The following RIN3 variants were observed in gnomAD, a reference collection of about 807,000 sequenced individuals.
The protein encoded by RIN3 is Ras and Rab interactor 3.
Under a neutral mutation model 76.3 loss-of-function variants are expected in RIN3, and 54 were observed. That is an observed-to-expected ratio of 0.71 (90% CI 0.57 to 0.89). The LOEUF (loss-of-function observed/expected upper bound fraction) is 0.89, where lower values mean the gene tolerates loss of function less well. Among genes scored for constraint, RIN3 ranks in the 40% least tolerant of loss-of-function variants. RIN3 has a pLI of 0.00. For missense variants in RIN3, 1,256 were observed against 1,322.1 expected (o/e 0.95, Z 0.78); for synonymous variants, 576 against 564.0 (o/e 1.02, Z -0.30).
chr14:92,529,410 G>A (rs191765497), intron 1 of RIN3, among the ~76,000 whole-genome samples: 24 of 151,828 alleles, frequency 1.6e-4, no homozygotes, highest in African/African-American at 3.9e-4. Flanking sequence ...CACCACGCCC[G>A]GCTAATTTTT....
At chr14:92,649,297 C>A (rs1431571083) in intron 5 of RIN3, among the ~76,000 whole-genome samples, 1 of 152,176 alleles carries the variant, frequency 6.6e-6, no homozygotes, top group Non-Finnish European at 1.5e-5. Context: ...CACCGGGGGT[C>A]TCAGCTCACA....
At chr14:92,597,066 T>C (rs1262909760) in intron 3 of RIN3, among the ~76,000 whole-genome samples, 1 of 152,178 alleles carries the variant, frequency 6.6e-6, no homozygotes, top group East Asian at 1.9e-4. Context: ...AAAATGCGGA[T>C]GGTAATACCC....
At chr14:92,543,260 G>A (rs1897167305) in intron 1 of RIN3, among the ~76,000 whole-genome samples, 3 of 152,100 alleles carry the variant, frequency 2.0e-5, no homozygotes, top group Non-Finnish European at 4.4e-5. Flanking sequence ...GCTTTATGGG[G>A]GGTGGGGGGA....
intron 1 of RIN3, among the ~76,000 whole-genome samples, chr14:92,527,797 A>C (rs745978603): frequency 6.6e-6 from 1 of 151,992 alleles, no homozygotes; most frequent in Non-Finnish European, 1.5e-5. Flanking sequence ...CATGCATTTG[A>C]GGTCTGCCTG....
chr14:92,687,937 C>T lies in RIN3; in HGVS notation c.2643C>T (p.Cys881=). The change falls in exon 10 of 10, where the codon TGC becomes TGT. Residue 881 remains cysteine (C), a synonymous_variant. Transcript: ENST00000216487. ...ASRSSVQDFI[C]VSYLEPEQQA... ...TCGCGTCTCCGCAGGACTTCATCTG[C>T]GTGTCGTACCTGGAGCCCGAGCAGC... The T allele has an allele frequency of 6.5e-7, 1 of 1,546,754 alleles. No individual in the cohort carries two copies. The highest frequency in any genetic ancestry group is 8.7e-7 in the Non-Finnish European group (1 of 1,146,392).
At chr14:92,545,404 C>T (rs1010975330) in intron 1 of RIN3, among the ~76,000 whole-genome samples, 7 of 152,034 alleles carry the variant, frequency 4.6e-5, no homozygotes, top group African/African-American at 1.4e-4. Flanking sequence ...GCCACCGCGC[C>T]CGGCCTAACT....
Position 92,623,285 on chromosome 14 carries a change from C to G in RIN3, c.440+7806C>G, listed in dbSNP as rs1418103014. Among the ~76,000 whole-genome samples, 2 of 152,210 alleles carry G rather than the reference C, an allele frequency of 1.3e-5. No homozygotes were observed. Among genetic ancestry groups the G allele is most frequent in the Non-Finnish European group, 2.9e-5 (2 of 68,034 alleles). On this transcript the variant is annotated intron_variant, in intron 4 of 9. Transcript: ENST00000216487. This position sits in a 1 kb window ranked among gnomAD's most constrained non-coding sequence, Gnocchi z 4.9. Reference sequence around the variant, plus strand: ...GCAGCATTGGGTTCCTATCATAACACAAACTCCACCTTTTTCTGCTAATAT... The same window carrying G: ...GCAGCATTGGGTTCCTATCATAACAGAAACTCCACCTTTTTCTGCTAATAT...
chr14:92,596,918 A>C (rs1198499250), intron 3 of RIN3, among the ~76,000 whole-genome samples: 1 of 152,192 alleles, frequency 6.6e-6, no homozygotes, highest in Non-Finnish European at 1.5e-5. Flanking sequence ...GATTGTGTGA[A>C]TCTCTTCCCA....
chr14:92,659,530 C>A (rs781081931), intron 7 of RIN3, 61 bp downstream of exon 7: 43 of 1,441,602 alleles, frequency 3.0e-5, no homozygotes, highest in Non-Finnish European at 6.5e-6. Context: ...TCCATGACCC[C>A]ACCCTGACCA....
In RIN3 at chr14:92,513,838, G is replaced by T. The variant is rs1270275394; in HGVS notation, c.-95G>T. On this transcript the variant is annotated 5_prime_UTR_variant, in exon 1 of 10. Coordinates refer to ENST00000216487, the MANE Select transcript of RIN3 (RefSeq NM_024832.5). ...AGCGGCGGCCTGGCCCTTCCAGAGG[G>T]CCAGAGCCAGGGACATGCGGGCGCC... is the stretch of plus-strand genomic sequence containing the variant. 2 of 897,770 alleles carry T rather than the reference G, an allele frequency of 2.2e-6. No individual in the cohort carries two copies. The highest frequency in any genetic ancestry group is 2.9e-6 in the Non-Finnish European group (2 of 682,276). 55.6% of individuals were successfully genotyped at this position (897,770 alleles called of 1,614,324 possible). A position where few individuals can be genotyped will look rare whatever the true frequency, so the allele number is the denominator to read the frequency against.
At chr14:92,572,866 T>C (rs929995952) in intron 2 of RIN3, among the ~76,000 whole-genome samples, 3 of 139,858 alleles carry the variant, frequency 2.1e-5, no homozygotes, top group African/African-American at 7.8e-5. Flanking sequence ...GAAGGGTGAC[T>C]CTTTTTTTTG....
At chr14:92,534,633 A>C (rs1322556215) in intron 1 of RIN3, among the ~76,000 whole-genome samples, 1 of 151,792 alleles carries the variant, frequency 6.6e-6, no homozygotes, top group East Asian at 1.9e-4. Flanking sequence ...TATATGGACA[A>C]GTGTGGAGAG....
chr14:92,582,664 G>A (rs565514390), intron 3 of RIN3, among the ~76,000 whole-genome samples: 3 of 152,140 alleles, frequency 2.0e-5, no homozygotes, highest in Admixed American at 6.5e-5. Flanking sequence ...TGTTGGCCAG[G>A]CTGGTCTCGA....
At chr14:92,577,816 C>G (rs1017995597) in intron 3 of RIN3, among the ~76,000 whole-genome samples, 5 of 152,236 alleles carry the variant, frequency 3.3e-5, no homozygotes, top group Non-Finnish European at 7.3e-5. Context: ...CTAGTGTCAG[C>G]TCAGCACACA....
chr14:92,515,216 A>T (rs938992860), intron 1 of RIN3: 2 of 699,100 alleles, frequency 2.9e-6, no homozygotes, highest in African/African-American at 3.5e-5. Flanking sequence ...CTCTGCAAAG[A>T]CAAATACCAT....
At chr14:92,517,686 G>A (rs1022748191) in intron 1 of RIN3, among the ~76,000 whole-genome samples, 1 of 152,158 alleles carries the variant, frequency 6.6e-6, no homozygotes, top group Non-Finnish European at 1.5e-5. Flanking sequence ...CCAGGAAGTC[G>A]AATTTCTCCT....
rs1422627913 is a variant in RIN3 at position 92,548,986 on chromosome 14, C to T, written c.45-6765C>T. Among the ~76,000 whole-genome samples, 3 of 151,538 alleles carry T rather than the reference C, an allele frequency of 2.0e-5. No homozygotes were observed. The South Asian group carries it at 6.2e-4, about 32-fold the overall frequency. On this transcript the variant is annotated intron_variant, in intron 1 of 9. Coordinates refer to ENST00000216487, the MANE Select transcript of RIN3 (RefSeq NM_024832.5). ...TACATGAAACAGGCAAGTTGCTGCC[C>T]TGGCTGGCATCACCAGGGCTCCCTC...
chr14:92,577,461 T>C lies in RIN3; in HGVS notation c.351T>C (p.Ile117=). 2 of 1,611,320 alleles carry C rather than the reference T, an allele frequency of 1.2e-6. No individual in the cohort carries two copies. Among genetic ancestry groups the C allele is most frequent in the Non-Finnish European group, 1.7e-6 (2 of 1,177,888 alleles). The change falls in exon 3 of 10, where the codon ATT becomes ATC. Residue 117 remains isoleucine (I), a synonymous_variant. Coordinates refer to ENST00000216487, the MANE Select transcript of RIN3 (RefSeq NM_024832.5). ...CGGCCGAGGTGCTCGAATACACCAT[T>C]AAGGAAGAAAAGTCGAGTAAGTACC... ...ESSAEVLEYT[I]KEEKSILYLE...
At chr14:92,625,635 G>A (rs553004165) in intron 4 of RIN3, among the ~76,000 whole-genome samples, 3 of 152,044 alleles carry the variant, frequency 2.0e-5, no homozygotes, top group Non-Finnish European at 4.4e-5. Context: ...CACCTATCCT[G>A]TCCTCCCACT....
Sources: gnomAD v4.1 joint callset for allele counts (sites outside exome capture counted in the v4.1 genomes callset) on GRCh38, gnomAD v4.1.1 for gene constraint, Gnocchi (gnomAD v3.1) non-coding constraint, MANE v1.5 for transcripts, NCBI Gene and HGNC (gene_info 2026-07-23, HGNC 2026-07-21) for gene names.